The following EPHA4 variants were observed in gnomAD, a reference collection of about 807,000 sequenced individuals.
EPHA4 encodes ephrin type-A receptor 4.
EPHA4 carries 19 observed loss-of-function variants against 108.3 expected under a neutral mutation model. That is an observed-to-expected ratio of 0.18 (90% CI 0.12 to 0.26). The LOEUF (loss-of-function observed/expected upper bound fraction) is 0.26, where lower values mean the gene tolerates loss of function less well. Ranked by LOEUF, EPHA4 falls within the 10% of genes least tolerant of loss-of-function variation. The pLI, the probability that EPHA4 is intolerant of heterozygous loss-of-function variation, is 1.00. For missense variants in EPHA4, 917 were observed against 1,254.0 expected (o/e 0.73, Z 4.06); for synonymous variants, 449 against 455.5 (o/e 0.99, Z 0.18).
At position 221,501,060 on chromosome 2, in the gene EPHA4, G is replaced by A. The variant is rs1237848279; in HGVS notation, c.936C>T (p.Gly312=). The change falls in exon 4 of 18, where the codon GGC becomes GGT. Residue 312 remains glycine, a synonymous_variant. Coordinates refer to ENST00000281821, the MANE Select transcript of EPHA4 (RefSeq NM_004438.5). ...CAGCATCGTTGTCAGCTCTGAAAAA[G>A]CCTCGGTCACAGGTGCACGAGGTGG... ...EGATSCTCDR[G]FFRADNDAAS... is the part of the protein sequence containing the mutation. The A allele has an allele frequency of 6.2e-7, 1 of 1,613,068 alleles. No individual in the cohort carries two copies. The highest frequency in any genetic ancestry group is 8.5e-7 in the Non-Finnish European group (1 of 1,179,536).
intron 3 of EPHA4, among the ~76,000 whole-genome samples, chr2:221,536,445 A>T (rs1275950216): frequency 1.3e-5 from 2 of 152,232 alleles, no homozygotes; most frequent in African/African-American, 4.8e-5. Context: ...GATGCTCTGC[A>T]CTAGACCCTG....
chr2:221,441,096 C>T (rs531069522), intron 11 of EPHA4, among the ~76,000 whole-genome samples: 2 of 152,220 alleles, frequency 1.3e-5, no homozygotes, highest in African/African-American at 4.8e-5. Flanking sequence ...CTTTCTCTCC[C>T]ATTTTAGTAA....
At chr2:221,455,173 A>G (rs1327022732) in intron 8 of EPHA4, among the ~76,000 whole-genome samples, 1 of 152,218 alleles carries the variant, frequency 6.6e-6, no homozygotes, top group Non-Finnish European at 1.5e-5. Context: ...AGTAGCTGGC[A>G]AATGGCAGAG....
rs116283044 is a variant in EPHA4 at position 221,543,948 on chromosome 2, C to T, written c.823+19783G>A. ...TCACGGTTCTGGAGGCTGGAAAGTACGAGATCAAAGCAAAGTCAGTGTCTG... is the reference window on the plus strand; with the variant it reads ...TCACGGTTCTGGAGGCTGGAAAGTATGAGATCAAAGCAAAGTCAGTGTCTG... On this transcript the variant is annotated intron_variant, in intron 3 of 17. Coordinates refer to ENST00000281821, the MANE Select transcript of EPHA4 (RefSeq NM_004438.5). 3.2e-3 allele frequency among the ~76,000 whole-genome samples: 481 copies of T among 152,132 alleles called. 2 individuals are homozygous for T. The highest frequency in any genetic ancestry group is 0.011 in the African/African-American group (464 of 41,504).
intron 3 of EPHA4, among the ~76,000 whole-genome samples, chr2:221,539,991 C>T (rs1010071826): frequency 6.6e-6 from 1 of 152,288 alleles, no homozygotes; most frequent in African/African-American, 2.4e-5. Flanking sequence ...ACGATCTCCA[C>T]TCACTGCAAC....
chr2:221,509,934 T>C (rs183392426), intron 3 of EPHA4, among the ~76,000 whole-genome samples: 25 of 152,300 alleles, frequency 1.6e-4, no homozygotes, highest in African/African-American at 5.1e-4. Context: ...GAACAAACTA[T>C]GTAACTACTC....
intron 5 of EPHA4, among the ~76,000 whole-genome samples, chr2:221,469,613 A>G (rs964838337): frequency 6.6e-6 from 1 of 152,180 alleles, no homozygotes; most frequent in Non-Finnish European, 1.5e-5. Flanking sequence ...CTTCATCACT[A>G]TCTCAGTGAT....
At chr2:221,501,340 T>C (rs1336158772) in intron 3 of EPHA4, 168 bp from the exon 4 acceptor site, 2 of 548,580 alleles carry the variant, frequency 3.6e-6, no homozygotes, top group Non-Finnish European at 6.1e-6. Flanking sequence ...TCATTGAGTA[T>C]AGTCGCTCTT....
chr2:221,418,896 A>G lies in EPHA4; in HGVS notation c.*2476T>C, dbSNP rs893325959. ...ATTTTTCAGGCATCAATGCATAGGCACATCCCTTAAAAAATATATTAAGGT... is the reference window on the plus strand; with the variant it reads ...ATTTTTCAGGCATCAATGCATAGGCGCATCCCTTAAAAAATATATTAAGGT... On this transcript the variant is annotated 3_prime_UTR_variant, in exon 18 of 18. Coordinates refer to ENST00000281821, the MANE Select transcript of EPHA4 (RefSeq NM_004438.5). 1 of 152,676 alleles carries G rather than the reference A, an allele frequency of 6.5e-6. No homozygotes were observed. The highest frequency in any genetic ancestry group is 1.5e-5 in the Non-Finnish European group (1 of 68,050). The allele number at this position is 152,676 out of a possible 1,614,324, so 9.5% of individuals were successfully genotyped here. A position where few individuals can be genotyped will look rare whatever the true frequency, so the allele number is the denominator to read the frequency against.
At chr2:221,459,575 A>G (rs538993906) in intron 5 of EPHA4, among the ~76,000 whole-genome samples, 2 of 152,258 alleles carry the variant, frequency 1.3e-5, no homozygotes, top group South Asian at 4.2e-4. Flanking sequence ...ACACACACAC[A>G]TACACACACA....
chr2:221,443,729 T>C (rs766291800), intron 9 of EPHA4, 123 bp from the exon 10 acceptor site: 36 of 568,080 alleles, frequency 6.3e-5, no homozygotes, highest in East Asian at 2.4e-4. Context: ...TCTTGACATA[T>C]GAAAATGGTT....
chr2:221,436,731 T>C (rs1690251988), intron 12 of EPHA4, 123 bp from the exon 13 acceptor site: 1 of 1,022,196 alleles, frequency 9.8e-7, no homozygotes, highest in African/African-American at 1.6e-5. Context: ...CTCAACATTA[T>C]TTCCAGGCCT....
intron 11 of EPHA4, among the ~76,000 whole-genome samples, chr2:221,439,330 C>CAA (rs56154778): frequency 0.22 from 28,618 of 129,062 alleles, 3,128 homozygotes; most frequent in Non-Finnish European, 0.27. Flanking sequence ...GTTTTCTACT[C>CAA]AAAAAAAAAA....
chr2:221,528,443 G>A (rs1373702859), intron 3 of EPHA4, among the ~76,000 whole-genome samples: 2 of 152,136 alleles, frequency 1.3e-5, no homozygotes, highest in African/African-American at 2.4e-5. Flanking sequence ...ATGGACATAA[G>A]ACTATAAATC....
chr2:221,457,780 G>T, intron 6 of EPHA4, 86 bp downstream of exon 6: 1 of 1,436,652 alleles, frequency 7.0e-7, no homozygotes. Flanking sequence ...GAGGGAGGGA[G>T]GGAGGGAAGG....
chr2:221,521,532 C>G (rs1215662566), intron 3 of EPHA4, among the ~76,000 whole-genome samples: 1 of 152,020 alleles, frequency 6.6e-6, no homozygotes, highest in African/African-American at 2.4e-5. Flanking sequence ...GAGGTCAGCA[C>G]TACTAGAGGC....
chr2:221,433,981 G>T, intron 14 of EPHA4, among the ~76,000 whole-genome samples, 161 bp downstream of exon 14: 1 of 152,054 alleles, frequency 6.6e-6, no homozygotes, highest in East Asian at 1.9e-4. Context: ...GAAATCAATA[G>T]TCATTGGTTG....
At chr2:221,422,272 A>G (rs1340776414) in intron 17 of EPHA4, among the ~76,000 whole-genome samples, 2 of 152,230 alleles carry the variant, frequency 1.3e-5, no homozygotes, top group South Asian at 2.1e-4. Flanking sequence ...AAGGGATTTC[A>G]TCAGGTGGGC....
In EPHA4 at chr2:221,501,063, T is replaced by A; in HGVS notation, c.933A>T (p.Arg311=). 2 of 1,613,162 alleles carry A rather than the reference T, an allele frequency of 1.2e-6. No individual in the cohort carries two copies. Among genetic ancestry groups the A allele is most frequent in the Non-Finnish European group, 1.7e-6 (2 of 1,179,534 alleles). ...WEGATSCTCD[R]GFFRADNDAA... The stretch of plus-strand genomic sequence containing the variant: ...CATCGTTGTCAGCTCTGAAAAAGCC[T>A]CGGTCACAGGTGCACGAGGTGGCTC... The change falls in exon 4 of 18, where the codon CGA becomes CGT. Residue 311 remains arginine, a synonymous_variant. Transcript: ENST00000281821.
Sources: gnomAD v4.1 joint callset for allele counts (sites outside exome capture counted in the v4.1 genomes callset) on GRCh38, gnomAD v4.1.1 for gene constraint, MANE v1.5 for transcripts, NCBI Gene and HGNC (gene_info 2026-07-23, HGNC 2026-07-21) for gene names.